SMAP1: variants seen among roughly 807,000 people sequenced by gnomAD.
SMAP1 encodes the protein small ArfGAP 1.
A neutral mutation model predicts 58.5 loss-of-function variants in SMAP1; 24 were observed. That is an observed-to-expected ratio of 0.41 (90% CI 0.30 to 0.58). SMAP1 has a LOEUF of 0.58. Ranked by LOEUF, SMAP1 falls within the 20% of genes least tolerant of loss-of-function variation. The probability of loss-of-function intolerance (pLI) is 0.29; values close to 1 mark genes in which losing one functional copy is unlikely to be tolerated. For missense variants in SMAP1, 563 were observed against 566.3 expected, an observed-to-expected ratio of 0.99 and a Z score of 0.06; for synonymous variants, 216 against 196.6, an observed-to-expected ratio of 1.10 and a Z score of -0.82.
intron 4 of SMAP1, among the ~76,000 whole-genome samples, chr6:70,782,731 G>T (rs574502171): frequency 6.6e-5 from 10 of 152,258 alleles, no homozygotes; most frequent in African/African-American, 1.9e-4. Flanking sequence ...GTTTCTGTTT[G>T]CTCTGTTTCT....
At chr6:70,859,431 T>G (rs1387129459) in intron 10 of SMAP1, 2 of 1,495,250 alleles carry the variant, frequency 1.3e-6, no homozygotes, top group Middle Eastern at 1.7e-4. Context: ...GAAGACGTGA[T>G]CTGCTTCTTC....
chr6:70,727,544 T>A (rs1221729005), intron 1 of SMAP1, among the ~76,000 whole-genome samples: 2 of 152,212 alleles, frequency 1.3e-5, no homozygotes, highest in Non-Finnish European at 2.9e-5. Context: ...ATTATTAGAG[T>A]TCAAGCTCCT....
At chr6:70,729,004 T>C (rs1223093407) in intron 1 of SMAP1, among the ~76,000 whole-genome samples, 1 of 149,118 alleles carries the variant, frequency 6.7e-6, no homozygotes, top group Non-Finnish European at 1.5e-5. Context: ...ATTGAACATC[T>C]TTTTTTTTTC....
chr6:70,780,012 G>A (rs958573469), intron 4 of SMAP1, among the ~76,000 whole-genome samples: 1 of 152,052 alleles, frequency 6.6e-6, no homozygotes, highest in Non-Finnish European at 1.5e-5. Context: ...GTGAGTTGAT[G>A]TACTTCAACT....
intron 7 of SMAP1, 46 bp downstream of exon 7, chr6:70,837,074 T>G: frequency 7.2e-7 from 1 of 1,392,402 alleles, no homozygotes; most frequent in South Asian, 1.4e-5. Context: ...ACAAAACAAT[T>G]GAAACCTTTA....
At chr6:70,769,258 C>G (rs568391402) in intron 3 of SMAP1, among the ~76,000 whole-genome samples, 2 of 152,274 alleles carry the variant, frequency 1.3e-5, no homozygotes, top group East Asian at 3.9e-4. Context: ...CTGTAGATGT[C>G]TATTAAGTCC....
chr6:70,761,685 G>A (rs755690846), intron 3 of SMAP1, among the ~76,000 whole-genome samples: 1 of 151,948 alleles, frequency 6.6e-6, no homozygotes, highest in Non-Finnish European at 1.5e-5. Context: ...AATAATAAGA[G>A]CTAAAACTTA....
intron 7 of SMAP1, among the ~76,000 whole-genome samples, chr6:70,842,049 G>T (rs150188037): frequency 6.6e-6 from 1 of 152,210 alleles, no homozygotes; most frequent in African/African-American, 2.4e-5. Flanking sequence ...CTGGAAAACC[G>T]CTGGTGTCCT....
chr6:70,762,874 A>T (rs568267539), intron 3 of SMAP1, among the ~76,000 whole-genome samples: 1 of 152,004 alleles, frequency 6.6e-6, no homozygotes, highest in African/African-American at 2.4e-5. Flanking sequence ...AATTATTTAT[A>T]TAAAATACAT....
chr6:70,715,902 C>G (rs900725770), intron 1 of SMAP1, among the ~76,000 whole-genome samples: 2 of 148,708 alleles, frequency 1.3e-5, no homozygotes, highest in African/African-American at 4.9e-5. Context: ...CCTTTTCCCC[C>G]AGTCCCCAAA....
In SMAP1 at chr6:70,678,170, A is replaced by G. The variant is rs531563329; in HGVS notation, c.118+10029A>G. On this transcript the variant is annotated intron_variant, in intron 1 of 10. Coordinates refer to ENST00000370455, the MANE Select transcript of SMAP1 (RefSeq NM_001044305.3). ...GGAAAGAGAATTAAAAGTAATTCTAATAATCTTCCATTCTCTGTGGCCCCT... is the reference window on the plus strand; with the variant it reads ...GGAAAGAGAATTAAAAGTAATTCTAGTAATCTTCCATTCTCTGTGGCCCCT... Among the ~76,000 whole-genome samples, 167 of 152,250 alleles carry G rather than the reference A, an allele frequency of 1.1e-3. 1 individual carries two copies. Among genetic ancestry groups the G allele is most frequent in the Non-Finnish European group, 7.8e-4 (53 of 68,042 alleles).
chr6:70,808,680 G>A (rs866007142), intron 6 of SMAP1, among the ~76,000 whole-genome samples: 1 of 152,130 alleles, frequency 6.6e-6, no homozygotes, highest in African/African-American at 2.4e-5. Flanking sequence ...TTGAACATAG[G>A]GACTGATTCC....
chr6:70,701,942 T>C (rs1767646574), intron 1 of SMAP1, among the ~76,000 whole-genome samples: 1 of 152,204 alleles, frequency 6.6e-6, no homozygotes, highest in Admixed American at 6.5e-5. Context: ...ATTGATTACT[T>C]TCCTGACCTT....
At chr6:70,785,031 C>A (rs1040974901) in intron 4 of SMAP1, among the ~76,000 whole-genome samples, 30 of 152,062 alleles carry the variant, frequency 2.0e-4, no homozygotes, top group East Asian at 3.9e-4. Flanking sequence ...CACCTATTCC[C>A]AAATTGACCA....
In SMAP1 at chr6:70,759,317, C is replaced by T. The variant is rs77277460; in HGVS notation, c.338+4252C>T. ...GGCTGAGTTGATATATATGACCCCT[C>T]GAATTGAAGAATCCTCCTTTTCTGG... On this transcript the variant is annotated intron_variant, in intron 3 of 10. Coordinates refer to ENST00000370455, the MANE Select transcript of SMAP1 (RefSeq NM_001044305.3). 3.7e-3 allele frequency among the ~76,000 whole-genome samples: 564 copies of T among 152,050 alleles called. 6 individuals are homozygous for T. Among genetic ancestry groups the T allele is most frequent in the African/African-American group, 0.013 (529 of 41,478 alleles).
At chr6:70,728,994 A>G (rs1185552251) in intron 1 of SMAP1, among the ~76,000 whole-genome samples, 1 of 152,048 alleles carries the variant, frequency 6.6e-6, no homozygotes, top group Admixed American at 6.5e-5. Flanking sequence ...ATTTGATACT[A>G]TTGAACATCT....
At chr6:70,771,752 C>T (rs1049388982) in intron 3 of SMAP1, among the ~76,000 whole-genome samples, 4 of 152,192 alleles carry the variant, frequency 2.6e-5, no homozygotes, top group Non-Finnish European at 5.9e-5. Flanking sequence ...CGGTGTGCTG[C>T]ACCACTGTCC....
At chr6:70,765,048 A>C (rs1400300429) in intron 3 of SMAP1, among the ~76,000 whole-genome samples, 1 of 152,170 alleles carries the variant, frequency 6.6e-6, no homozygotes, top group Non-Finnish European at 1.5e-5. Context: ...CGATCAGCCC[A>C]CCTGGGCCTC....
intron 1 of SMAP1, among the ~76,000 whole-genome samples, chr6:70,691,485 ATG>A (rs895256715): frequency 2.6e-5 from 4 of 152,194 alleles, no homozygotes; most frequent in African/African-American, 9.7e-5. Flanking sequence ...TTATTTTAAA[ATG>A]TGTGATAAAT....
Sources: allele counts gnomAD v4.1 joint callset (sites outside exome capture counted in the v4.1 genomes callset), GRCh38; gene constraint gnomAD v4.1.1; transcripts MANE v1.5; gene names NCBI Gene and HGNC (gene_info 2026-07-23, HGNC 2026-07-21).